Variants in CARNS1 observed in about 807,000 individuals in gnomAD.
The protein encoded by CARNS1 is ATP-grasp domain containing 1.
CARNS1 carries 61 observed loss-of-function variants against 74.0 expected under a neutral mutation model. That is an observed-to-expected ratio of 0.82 (90% CI 0.67 to 1.02). The LOEUF is 1.02. CARNS1 is among the 50% of genes least tolerant of loss of function. CARNS1 has a pLI of 0.00. For synonymous variants in CARNS1, 568 were observed against 605.5 expected (o/e 0.94, Z 0.91); for missense variants, 1,278 against 1,308.4 (o/e 0.98, Z 0.36).
Position 67,421,191 on chromosome 11 carries a change from G to A in CARNS1, c.1598G>A (p.Trp533Ter), listed in dbSNP as rs756449893. The change falls in exon 9 of 10, where the codon TGG becomes TAG. Residue 533 changes from tryptophan to a stop codon, truncating the protein, a stop_gained. Coordinates refer to ENST00000687366, the MANE Select transcript of CARNS1 (RefSeq NM_001166222.2). LOFTEE classifies it high-confidence loss of function. ...GAGGVSKKFVWEAARDYGLQL... is the reference protein window; with the variant it reads ...GAGGVSKKFV ...GGCGGCGTCAGCAAGAAGTTCGTGTGGGAGGCGGCGCGCGACTACGGGCTC... is the reference window on the plus strand; with the variant it reads ...GGCGGCGTCAGCAAGAAGTTCGTGTAGGAGGCGGCGCGCGACTACGGGCTC... 2.9e-4 allele frequency: 439 copies of A among 1,494,224 alleles called. No homozygotes were observed. Among genetic ancestry groups the A allele is most frequent in the Non-Finnish European group, 3.8e-4 (424 of 1,128,028 alleles). The allele number at this position is 1,494,224 out of a possible 1,614,324, so 92.6% of individuals were successfully genotyped here.
chr11:67,418,479 C>A lies in CARNS1; in HGVS notation c.323C>A (p.Thr108Asn). The A allele has an allele frequency of 6.7e-7, 1 of 1,501,628 alleles. No individual in the cohort carries two copies. The highest frequency in any genetic ancestry group is 8.9e-7 in the Non-Finnish European group (1 of 1,129,806). 93.0% of individuals were successfully genotyped at this position (1,501,628 alleles called of 1,614,324 possible). A position where few individuals can be genotyped will look rare whatever the true frequency, so the allele number is the denominator to read the frequency against. ...TTGTGCGTTCTGGGCTCCCCCAGCA[C>A]CTTTCTGCCTGTGCTGCTGGAGGGT... ...VTLCVLGSPS[T>N]FLPVLLEGGV... is the part of the protein sequence containing the mutation. The change falls in exon 4 of 10, where the codon ACC becomes AAC. Residue 108 changes from threonine to asparagine, a missense_variant. Thr to Asn is a moderately conservative substitution (Grantham distance 65). This residue lies in a region of CARNS1 where 1,164 missense variants were observed against 1,156.5 expected (regional missense o/e 1.01). Coordinates refer to ENST00000687366, the MANE Select transcript of CARNS1 (RefSeq NM_001166222.2).
rs1177016110 is a variant in CARNS1 at position 67,423,081 on chromosome 11, GC to G, written c.1627-290del. 1.3e-5 allele frequency among the ~76,000 whole-genome samples: 2 copies of G among 152,166 alleles called. No homozygotes were observed. The highest frequency in any genetic ancestry group is 1.9e-4 in the East Asian group (1 of 5,198). On this transcript the variant is annotated intron_variant, in intron 9 of 9. Coordinates refer to ENST00000687366, the MANE Select transcript of CARNS1 (RefSeq NM_001166222.2). The surrounding 1 kb of genome is among the most constrained non-coding windows in gnomAD (Gnocchi z 5.1). ...CTCACACCCTCTTCTCTGTGCTGCA[GC>G]CCCTCCCACCCAGAACATGCCTTTT...
At chr11:67,416,151 T>A (rs1483394625) in intron 1 of CARNS1, 25 bp from the exon 2 acceptor site, 1 of 1,395,518 alleles carries the variant, frequency 7.2e-7, no homozygotes, top group Non-Finnish European at 9.8e-7. Context: ...CCTTCGTCTC[T>A]CTGTCCCTCT....
Position 67,419,617 on chromosome 11 carries a change from T to C in CARNS1, c.983T>C (p.Val328Ala). 1 of 1,602,718 alleles carries C rather than the reference T, an allele frequency of 6.2e-7. No individual in the cohort carries two copies. Among genetic ancestry groups the C allele is most frequent in the Non-Finnish European group, 8.5e-7 (1 of 1,176,028 alleles). ...LLEKLEEEES[V>A]LVEAVYPPAQ... ...GAGAAGCTGGAGGAGGAGGAGAGTGTCCTGGTGGAGGCTGTGTACCCACCT... is the reference window on the plus strand; with the variant it reads ...GAGAAGCTGGAGGAGGAGGAGAGTGCCCTGGTGGAGGCTGTGTACCCACCT... The change falls in exon 6 of 10, where the codon GTC (valine) becomes GCC (alanine). Residue 328 changes from valine (V) to alanine (A), a missense_variant. Val to Ala is a moderately conservative substitution (Grantham distance 64, BLOSUM62 0). Transcript: ENST00000687366.
Position 67,419,469 on chromosome 11 carries a change from T to C in CARNS1, c.853-18T>C. The C allele has an allele frequency of 6.2e-7, 1 of 1,610,526 alleles. No homozygotes were observed. Among genetic ancestry groups the C allele is most frequent in the Non-Finnish European group, 8.5e-7 (1 of 1,179,024 alleles). On this transcript the variant is annotated intron_variant, in intron 5 of 9. Coordinates refer to ENST00000687366, the MANE Select transcript of CARNS1 (RefSeq NM_001166222.2). Reference sequence around the variant, plus strand: ...CTGGGGTGGTGTCCAGGAGGCCCCTTTCCCCTCCTTGCTGCAGGTAGCTGT... The same window carrying C: ...CTGGGGTGGTGTCCAGGAGGCCCCTCTCCCCTCCTTGCTGCAGGTAGCTGT...
chr11:67,417,061 G>A, intron 2 of CARNS1: 1 of 1,060,132 alleles, frequency 9.4e-7, no homozygotes. Context: ...CACGCTTTAG[G>A]TGCTGGGGTT....
intron 1 of CARNS1, 37 bp from the exon 2 acceptor site, chr11:67,416,139 C>T (rs1326747883): frequency 1.5e-6 from 2 of 1,316,824 alleles, no homozygotes; most frequent in Admixed American, 3.9e-5. Context: ...GCTGCCCTGA[C>T]TCCTTCGTCT....
chr11:67,423,582 G>T lies in CARNS1; in HGVS notation c.1834G>T (p.Gly612Cys), dbSNP rs1162286350. ...CACAGCCCTGCTCTGCCAGGAGCTAGGTCTGCCCTGCAGCTCCCCAGCTGC... is the reference window on the plus strand; with the variant it reads ...CACAGCCCTGCTCTGCCAGGAGCTATGTCTGCCCTGCAGCTCCCCAGCTGC... The part of the protein sequence containing the change: ...VLTALLCQEL[G>C]LPCSSPAAMR... Residue 612 changes from glycine (G) to cysteine (C), a missense_variant, in exon 10 of 10, where the codon GGT becomes TGT. Coordinates refer to ENST00000687366, the MANE Select transcript of CARNS1 (RefSeq NM_001166222.2). The surrounding 1 kb of genome is among the most constrained non-coding windows in gnomAD (Gnocchi z 5.1). The T allele has an allele frequency of 2.5e-6, 4 of 1,610,474 alleles. No homozygotes were observed. The highest frequency in any genetic ancestry group is 1.1e-5 in the South Asian group (1 of 90,462).
chr11:67,418,316 T>C, intron 3 of CARNS1, 115 bp from the exon 4 acceptor site: 1 of 692,840 alleles, frequency 1.4e-6, no homozygotes, highest in East Asian at 3.3e-5. Flanking sequence ...CTCATCCGAT[T>C]CCTGGGAAAA....
At position 67,423,551 on chromosome 11, in the gene CARNS1, G is replaced by T. The variant is rs1263713310; in HGVS notation, c.1803G>T (p.Leu601=). The T allele has an allele frequency of 6.2e-7, 1 of 1,612,216 alleles. No individual in the cohort carries two copies. Among genetic ancestry groups the T allele is most frequent in the Non-Finnish European group, 8.5e-7 (1 of 1,179,192 alleles). The part of the protein sequence containing the change: ...DGCFSYWDDC[L]VLTALLCQEL... ...GCTTCTCCTACTGGGATGACTGCCT[G>T]GTGCTCACAGCCCTGCTCTGCCAGG... is the stretch of plus-strand genomic sequence containing the variant. The change falls in exon 10 of 10, where the codon CTG becomes CTT. Residue 601 remains leucine, a synonymous_variant. Coordinates refer to ENST00000687366, the MANE Select transcript of CARNS1 (RefSeq NM_001166222.2). This position sits in a 1 kb window ranked among gnomAD's most constrained non-coding sequence, Gnocchi z 5.1.
At chr11:67,420,915 G>GCTCGCGC in intron 8 of CARNS1, 24 bp from the exon 9 acceptor site, 1 of 1,363,390 alleles carries the variant, frequency 7.3e-7, no homozygotes. Context: ...CCGTAGCTGA[G>GCTCGCGC]CTCGCGCCTC....
intron 2 of CARNS1, 185 bp from the exon 3 acceptor site, chr11:67,417,222 T>C: frequency 2.4e-6 from 3 of 1,232,562 alleles, no homozygotes; most frequent in Non-Finnish European, 3.0e-6. Flanking sequence ...TACAAAGCAC[T>C]CCCACGGTTG....
At chr11:67,416,686 C>A (rs1221798011) in intron 2 of CARNS1, 1 of 989,512 alleles carries the variant, frequency 1.0e-6, no homozygotes, top group Non-Finnish European at 1.2e-6. Context: ...CAGGCCTGTC[C>A]AGGCCTGGGG....
At chr11:67,418,191 G>A (rs1442766314) in intron 3 of CARNS1, among the ~76,000 whole-genome samples, 3 of 152,306 alleles carry the variant, frequency 2.0e-5, no homozygotes, top group African/African-American at 7.2e-5. Context: ...GCTCGGGCTA[G>A]AACTCAGGTC....
At chr11:67,416,948 G>A (rs1288976074) in intron 2 of CARNS1, 1 of 989,098 alleles carries the variant, frequency 1.0e-6, no homozygotes, top group African/African-American at 1.7e-5. Flanking sequence ...CTCCATGCCG[G>A]GTCATGAGAC....
In CARNS1 at chr11:67,419,816, G is replaced by A; in HGVS notation, c.1091G>A (p.Gly364Asp). The stretch of plus-strand genomic sequence containing the variant: ...TGTGCTGTGGTGTGTCGGACACAGG[G>A]TGATAGGCCACTGCTGAGCAAGGTG... Reference protein sequence around the residue: ...RICAVVCRTQGDRPLLSKVVC... With the variant: ...RICAVVCRTQDDRPLLSKVVC... The change falls in exon 7 of 10, where the codon GGT becomes GAT. Residue 364 changes from glycine to aspartate, a missense_variant. Coordinates refer to ENST00000687366, the MANE Select transcript of CARNS1 (RefSeq NM_001166222.2). The A allele has an allele frequency of 6.3e-7, 1 of 1,593,544 alleles. No individual in the cohort carries two copies. Among genetic ancestry groups the A allele is most frequent in the Non-Finnish European group, 8.5e-7 (1 of 1,170,628 alleles).
rs755010381 is a variant in CARNS1 at position 67,424,624 on chromosome 11, A to T, written c.*23A>T. The T allele has an allele frequency of 2.8e-5, 45 of 1,586,108 alleles. No homozygotes were observed. The highest frequency in any genetic ancestry group is 6.9e-5 in the Admixed American group (4 of 58,368). Reference sequence around the variant, plus strand: ...TAGCACTGGGGTCAGGGGGCAGGGAAGCAGTGCTGGGTGGAGGCACTGTGG... The same window carrying T: ...TAGCACTGGGGTCAGGGGGCAGGGATGCAGTGCTGGGTGGAGGCACTGTGG... On this transcript the variant is annotated 3_prime_UTR_variant, in exon 10 of 10. Transcript: ENST00000687366.
chr11:67,416,522 C>T, intron 2 of CARNS1: 1 of 1,199,076 alleles, frequency 8.3e-7, no homozygotes, highest in Non-Finnish European at 1.0e-6. Flanking sequence ...GGCCACAGCA[C>T]ACCATCTCCC....
Position 67,421,126 on chromosome 11 carries a change from C to A in CARNS1, c.1533C>A (p.Arg511=). 6.8e-7 allele frequency: 1 copy of A among 1,470,346 alleles called. No homozygotes were observed. The highest frequency in any genetic ancestry group is 2.5e-5 in the Admixed American group (1 of 39,280). The allele number at this position is 1,470,346 out of a possible 1,614,324, so 91.1% of individuals were successfully genotyped here. A position where few individuals can be genotyped will look rare whatever the true frequency, so the allele number is the denominator to read the frequency against. Residue 511 remains arginine, a synonymous_variant, in exon 9 of 10, where the codon CGC becomes CGA. Coordinates refer to ENST00000687366, the MANE Select transcript of CARNS1 (RefSeq NM_001166222.2). ...AGACCATGCTTCGGCGGTCGGCGCGCTGCCTCATGGAGGGAAAACAGCTGC... is the reference window on the plus strand; with the variant it reads ...AGACCATGCTTCGGCGGTCGGCGCGATGCCTCATGGAGGGAAAACAGCTGC... ...LVETMLRRSA[R]CLMEGKQLLV...
Sources: allele counts gnomAD v4.1 joint callset (sites outside exome capture counted in the v4.1 genomes callset), GRCh38; gene constraint gnomAD v4.1.1; regional missense constraint gnomAD v4.1.1; non-coding constraint Gnocchi (gnomAD v3.1); transcripts MANE v1.5; gene names NCBI Gene and HGNC (gene_info 2026-07-23, HGNC 2026-07-21).